The following JMJD1C variants were observed in gnomAD, a reference collection of about 807,000 sequenced individuals.
The protein encoded by JMJD1C is jumonji domain-containing protein 1C.
In JMJD1C, 31 loss-of-function variants were observed where a neutral mutation model predicts 245.3. The ratio of observed to expected loss-of-function variants is 0.13; its 90% CI spans 0.09 to 0.17. The LOEUF (loss-of-function observed/expected upper bound fraction) is 0.17. JMJD1C is among the 10% of genes least tolerant of loss of function. The pLI is 1.00. For missense variants in JMJD1C, 2,691 were observed against 3,000.2 expected, an observed-to-expected ratio of 0.90 and a Z score of 2.41; for synonymous variants, 1,057 against 1,017.4, an observed-to-expected ratio of 1.04 and a Z score of -0.74.
chr10:63,292,629 C>T (rs1489602343), intron 2 of JMJD1C, among the ~76,000 whole-genome samples: 1 of 151,700 alleles, frequency 6.6e-6, no homozygotes. Context: ...AAAAATAAAA[C>T]AGGACAATCA....
chr10:63,202,481 T>C, intron 10 of JMJD1C: 4 of 985,300 alleles, frequency 4.1e-6, no homozygotes, highest in Non-Finnish European at 4.8e-6. Context: ...CTCCTGAGAC[T>C]ACGTACTTCT....
chr10:63,305,465 T>TCTC (rs1337542390), intron 2 of JMJD1C, among the ~76,000 whole-genome samples: 3 of 117,222 alleles, frequency 2.6e-5, no homozygotes, highest in African/African-American at 1.3e-4. Flanking sequence ...TGACCCTCTC[T>TCTC]CTCTCTCTCT....
chr10:63,383,593 G>A (rs1025122446), intron 1 of JMJD1C, among the ~76,000 whole-genome samples: 2 of 151,854 alleles, frequency 1.3e-5, no homozygotes, highest in South Asian at 2.1e-4. Flanking sequence ...CCAGAGACTC[G>A]GGAGGCTAAA....
chr10:63,388,049 T>C (rs1409789660), intron 1 of JMJD1C, among the ~76,000 whole-genome samples: 1 of 152,080 alleles, frequency 6.6e-6, no homozygotes, highest in Admixed American at 6.5e-5. Context: ...ACAAGAAAAC[T>C]TGAAGGGCTA....
At chr10:63,511,804 G>A (rs756666067) in intron 1 of JMJD1C, among the ~76,000 whole-genome samples, 1 of 152,098 alleles carries the variant, frequency 6.6e-6, no homozygotes, top group Non-Finnish European at 1.5e-5. Context: ...GTTCAACAGG[G>A]CCATCTGCAT....
intron 2 of JMJD1C, chr10:63,359,221 G>A (rs1945119746): frequency 6.6e-6 from 1 of 152,202 alleles, no homozygotes; most frequent in South Asian, 2.1e-4. Flanking sequence ...CTAGCCATTG[G>A]TATAACTGGC....
At chr10:63,321,305 T>C (rs1480437533) in intron 2 of JMJD1C, among the ~76,000 whole-genome samples, 1 of 152,264 alleles carries the variant, frequency 6.6e-6, no homozygotes, top group African/African-American at 2.4e-5. Flanking sequence ...AGCTGGTCTA[T>C]AGCTGATCAG....
At chr10:63,331,700 C>T (rs1241660247) in intron 2 of JMJD1C, among the ~76,000 whole-genome samples, 1 of 152,200 alleles carries the variant, frequency 6.6e-6, no homozygotes, top group East Asian at 1.9e-4. Flanking sequence ...ATAACCTCTG[C>T]TTCCCAGGTT....
At chr10:63,399,205 C>T (rs1178384160) in intron 1 of JMJD1C, among the ~76,000 whole-genome samples, 1 of 152,172 alleles carries the variant, frequency 6.6e-6, no homozygotes, top group African/African-American at 2.4e-5. Flanking sequence ...GTCAGTGAGA[C>T]AATCTTCAAG....
intron 2 of JMJD1C, among the ~76,000 whole-genome samples, chr10:63,286,388 A>G (rs1857979886): frequency 6.6e-6 from 1 of 152,226 alleles, no homozygotes; most frequent in Admixed American, 6.6e-5. Flanking sequence ...ACCTTTAGGA[A>G]CCGTTGCTTC....
In JMJD1C at chr10:63,465,821, A is replaced by C; in HGVS notation, c.-159T>G. 1.2e-6 allele frequency: 1 copy of C among 825,220 alleles called. No homozygotes were observed. The highest frequency in any genetic ancestry group is 2.0e-6 in the Non-Finnish European group (1 of 497,616). The allele number at this position is 825,220 out of a possible 1,614,324, so 51.1% of individuals were successfully genotyped here. ...ACGAACCGGCCGCTCTGCCCCGGAC[A>C]CAGCGACCTCGGGCCCTCCCCGCAA... On this transcript the variant is annotated 5_prime_UTR_variant, in exon 1 of 26. Transcript: ENST00000399262.
chr10:63,458,842 G>A (rs1240389749), intron 1 of JMJD1C, among the ~76,000 whole-genome samples: 1 of 151,656 alleles, frequency 6.6e-6, no homozygotes, highest in African/African-American at 2.4e-5. Context: ...TCCCACCTCA[G>A]TACCCAAAGG....
At chr10:63,178,794 G>C (rs1843113533) in intron 22 of JMJD1C, among the ~76,000 whole-genome samples, 1 of 152,192 alleles carries the variant, frequency 6.6e-6, no homozygotes, top group Non-Finnish European at 1.5e-5. Context: ...AACTTTAGAA[G>C]TGTACAAACA....
At chr10:63,193,808 A>AG (rs767010798) in intron 14 of JMJD1C, among the ~76,000 whole-genome samples, 6 of 152,088 alleles carry the variant, frequency 3.9e-5, no homozygotes, top group Non-Finnish European at 8.8e-5. Context: ...CTGGGACTAC[A>AG]GGCACCTGCC....
intron 1 of JMJD1C, among the ~76,000 whole-genome samples, chr10:63,421,531 T>G (rs1206330195): frequency 6.6e-6 from 1 of 152,176 alleles, no homozygotes; most frequent in Non-Finnish European, 1.5e-5. Flanking sequence ...CTCTTCAGAA[T>G]GATTAGTTGA....
chr10:63,350,023 C>T (rs1207564300), intron 2 of JMJD1C, among the ~76,000 whole-genome samples: 3 of 152,018 alleles, frequency 2.0e-5, no homozygotes, highest in African/African-American at 7.2e-5. Context: ...AAGCATCCTA[C>T]GATGTCATAA....
intron 21 of JMJD1C, 70 bp from the exon 22 acceptor site, chr10:63,183,639 C>G: frequency 4.4e-6 from 4 of 900,788 alleles, no homozygotes. Context: ...AGATATTCCC[C>G]CAAATTAGCT....
intron 2 of JMJD1C, among the ~76,000 whole-genome samples, chr10:63,314,012 AG>A (rs971169463): frequency 1.3e-5 from 2 of 152,194 alleles, no homozygotes; most frequent in African/African-American, 4.8e-5. Context: ...AATATCTAGA[AG>A]GGTTTTTCCA....
At chr10:63,368,574 T>C (rs1359106963) in intron 2 of JMJD1C, among the ~76,000 whole-genome samples, 1 of 152,222 alleles carries the variant, frequency 6.6e-6, no homozygotes, top group Non-Finnish European at 1.5e-5. Flanking sequence ...CAAATTCCTC[T>C]GCAATTCTTA....
Sources: allele counts gnomAD v4.1 joint callset (sites outside exome capture counted in the v4.1 genomes callset), GRCh38; gene constraint gnomAD v4.1.1; transcripts MANE v1.5; gene names NCBI Gene and HGNC (gene_info 2026-07-23, HGNC 2026-07-21).